Variants in GARRE1 observed in about 807,000 individuals in gnomAD.
GARRE1 encodes the protein granule associated Rac and RHOG effector protein 1.
In GARRE1, 49 loss-of-function variants were observed where a neutral mutation model predicts 103.2. The ratio of observed to expected loss-of-function variants is 0.47; its 90% CI spans 0.38 to 0.60. The LOEUF is 0.60. Ranked by LOEUF, GARRE1 falls within the 20% of genes least tolerant of loss-of-function variation. GARRE1 has a pLI of 0.00. For missense variants in GARRE1, 1,199 were observed against 1,370.5 expected (o/e 0.87, Z 1.98); for synonymous variants, 505 against 532.8 (o/e 0.95, Z 0.72).
At chr19:34,342,866 C>A in intron 10 of GARRE1, among the ~76,000 whole-genome samples, 1 of 151,942 alleles carries the variant, frequency 6.6e-6, no homozygotes, top group Non-Finnish European at 1.5e-5. Flanking sequence ...ACTCTAGGAC[C>A]TATGACAGGT....
intron 3 of GARRE1, 69 bp downstream of exon 3, chr19:34,320,185 T>A (rs543159708): frequency 1.5e-6 from 2 of 1,324,734 alleles, no homozygotes; most frequent in African/African-American, 2.9e-5. Context: ...CCTTTGCCTG[T>A]TGATTCTCAA....
chr19:34,259,638 C>G (rs538475728), intron 1 of GARRE1, among the ~76,000 whole-genome samples: 2 of 151,824 alleles, frequency 1.3e-5, no homozygotes, highest in Admixed American at 1.3e-4. Context: ...GAACACAGTG[C>G]GTGGAAATGA....
intron 1 of GARRE1, among the ~76,000 whole-genome samples, chr19:34,288,924 G>A (rs975418141): frequency 9.2e-5 from 14 of 152,106 alleles, no homozygotes; most frequent in Admixed American, 7.9e-4. Context: ...TTGAGGCCAG[G>A]AGTTCGAGAC....
At chr19:34,289,723 A>G (rs1428629823) in intron 1 of GARRE1, among the ~76,000 whole-genome samples, 1 of 93,280 alleles carries the variant, frequency 1.1e-5, no homozygotes, top group African/African-American at 6.9e-5. Flanking sequence ...ACTCTGTCTC[A>G]AAAAAAAAAA....
intron 2 of GARRE1, among the ~76,000 whole-genome samples, chr19:34,318,434 T>A (rs896784041): frequency 6.6e-6 from 1 of 152,240 alleles, no homozygotes; most frequent in Non-Finnish European, 1.5e-5. Flanking sequence ...CTTCACCACT[T>A]GCGTGAGGCA....
chr19:34,285,950 C>A (rs888181040), intron 1 of GARRE1, among the ~76,000 whole-genome samples: 3 of 152,184 alleles, frequency 2.0e-5, no homozygotes, highest in African/African-American at 7.2e-5. Flanking sequence ...CCAGGCGTGA[C>A]TGTGATACTT....
At chr19:34,261,031 A>G (rs1379756472) in intron 1 of GARRE1, among the ~76,000 whole-genome samples, 5 of 152,196 alleles carry the variant, frequency 3.3e-5, no homozygotes, top group Admixed American at 1.3e-4. Flanking sequence ...CCACAAAGCC[A>G]TCTGCACTAA....
chr19:34,278,603 C>T (rs1035259039), intron 1 of GARRE1, among the ~76,000 whole-genome samples: 2 of 151,988 alleles, frequency 1.3e-5, no homozygotes, highest in East Asian at 1.9e-4. Context: ...AGTATTTGTC[C>T]TTTAGTGTCT....
chr19:34,256,130 TG>T (rs1196583463), intron 1 of GARRE1, among the ~76,000 whole-genome samples: 1 of 151,872 alleles, frequency 6.6e-6, no homozygotes, highest in Non-Finnish European at 1.5e-5. Context: ...TGAGCCACCG[TG>T]TCCGGCCGTA....
Position 34,333,677 on chromosome 19 carries a change from GT to G in GARRE1, c.1264-10del, listed in dbSNP as rs74177138. 44,701 of 653,650 alleles carry G rather than the reference GT, an allele frequency of 0.068. 53 individuals are homozygous for G. The highest frequency in any genetic ancestry group is 0.15 in the East Asian group (5,041 of 33,772). 40.5% of individuals were successfully genotyped at this position (653,650 alleles called of 1,614,324 possible). ...TCTCTCTGAAAGCTGGTTGTTATTT[GT>G]TTTTTTTTTTTTTTTTCGATCTTAG... On this transcript the variant is annotated intron_variant, in intron 7 of 13. Transcript: ENST00000299505.
intron 2 of GARRE1, among the ~76,000 whole-genome samples, chr19:34,302,239 G>A (rs1341684681): frequency 2.8e-5 from 4 of 145,318 alleles, no homozygotes; most frequent in South Asian, 2.2e-4. Context: ...TGATCCGCCC[G>A]CCTCAGCCTC....
At chr19:34,298,484 G>A (rs894233835) in intron 1 of GARRE1, among the ~76,000 whole-genome samples, 6 of 151,382 alleles carry the variant, frequency 4.0e-5, no homozygotes, top group African/African-American at 7.3e-5. Flanking sequence ...AGGCCGAGAC[G>A]GGTGGATCAC....
chr19:34,327,882 C>G lies in GARRE1; in HGVS notation c.942+16C>G. On this transcript the variant is annotated intron_variant, in intron 5 of 13. Coordinates refer to ENST00000299505, the MANE Select transcript of GARRE1 (RefSeq NM_014686.5). ...AAGTTTGCAGGTACACTTTTCCTTC[C>G]TAAAGCTCTGGGGACCTATGGCGCT... The G allele has an allele frequency of 1.9e-6, 3 of 1,613,802 alleles. No homozygotes were observed. The highest frequency in any genetic ancestry group is 4.5e-5 in the East Asian group (2 of 44,896).
intron 1 of GARRE1, among the ~76,000 whole-genome samples, chr19:34,277,672 T>C (rs1336534192): frequency 6.6e-6 from 1 of 152,206 alleles, no homozygotes; most frequent in Non-Finnish European, 1.5e-5. Flanking sequence ...TCAGGTGTTA[T>C]GCCTGATTCC....
At chr19:34,299,134 C>T (rs781355288) in intron 1 of GARRE1, among the ~76,000 whole-genome samples, 6 of 152,210 alleles carry the variant, frequency 3.9e-5, no homozygotes, top group African/African-American at 7.2e-5. Flanking sequence ...GGACCTTTGC[C>T]GTGGTGGTCC....
At chr19:34,348,838 T>G in intron 11 of GARRE1, 178 bp from the exon 12 acceptor site, 1 of 664,640 alleles carries the variant, frequency 1.5e-6, no homozygotes, top group Non-Finnish European at 2.6e-6. Context: ...AATTGATGAA[T>G]ATGTATTACT....
intron 3 of GARRE1, among the ~76,000 whole-genome samples, chr19:34,321,286 CA>C (rs1414122022): frequency 7.3e-6 from 1 of 137,860 alleles, no homozygotes; most frequent in Non-Finnish European, 1.5e-5. Context: ...TCGTGTTAGC[CA>C]GGGTGGTCTC....
At chr19:34,307,564 A>G (rs1040075286) in intron 2 of GARRE1, among the ~76,000 whole-genome samples, 1 of 147,682 alleles carries the variant, frequency 6.8e-6, no homozygotes, top group Non-Finnish European at 1.5e-5. Flanking sequence ...TAAAATATGT[A>G]TTTTTTATAT....
intron 9 of GARRE1, among the ~76,000 whole-genome samples, chr19:34,341,051 T>C (rs2074183292): frequency 6.6e-6 from 1 of 152,198 alleles, no homozygotes; most frequent in African/African-American, 2.4e-5. Flanking sequence ...CTCTGCTTTG[T>C]GGAGTTGTCC....
Sources: gnomAD v4.1 joint callset for allele counts (sites outside exome capture counted in the v4.1 genomes callset) on GRCh38, gnomAD v4.1.1 for gene constraint, MANE v1.5 for transcripts, NCBI Gene and HGNC (gene_info 2026-07-23, HGNC 2026-07-21) for gene names.